SNTG2: variants seen among roughly 807,000 people sequenced by gnomAD.
SNTG2 encodes gamma-2-syntrophin.
SNTG2 carries 74 observed loss-of-function variants against 70.9 expected under a neutral mutation model. The ratio of observed to expected loss-of-function variants is 1.04; its 90% CI spans 0.86 to 1.27. The LOEUF (loss-of-function observed/expected upper bound fraction) is 1.27. SNTG2 is among the 50% of genes most tolerant of loss of function. The pLI is 0.00. For missense variants in SNTG2, 717 were observed against 690.7 expected (o/e 1.04, Z -0.43); for synonymous variants, 278 against 273.8 (o/e 1.02, Z -0.15).
intron 14 of SNTG2, among the ~76,000 whole-genome samples, chr2:1,307,260 AGT>A (rs1203347948): frequency 1.8e-5 from 2 of 112,246 alleles, no homozygotes; most frequent in East Asian, 2.7e-4. Context: ...ATTGTGTATA[AGT>A]GTGTGTGTGG....
At chr2:1,253,898 T>A (rs562013378) in intron 12 of SNTG2, among the ~76,000 whole-genome samples, 54 of 151,680 alleles carry the variant, frequency 3.6e-4, no homozygotes, top group Non-Finnish European at 7.1e-4. Flanking sequence ...CAATCAGATC[T>A]CATGAGAACT....
chr2:1,197,860 A>G (rs959905564), intron 8 of SNTG2, among the ~76,000 whole-genome samples: 7 of 152,096 alleles, frequency 4.6e-5, no homozygotes, highest in African/African-American at 7.2e-5. Context: ...TATAGCAACT[A>G]TTTATTAGTT....
At chr2:1,120,691 T>C (rs74943029) in intron 4 of SNTG2, among the ~76,000 whole-genome samples, 1,976 of 152,246 alleles carry the variant, frequency 0.013, 35 homozygotes, top group African/African-American at 0.042. Flanking sequence ...GGGGATAATT[T>C]ATCAGGAGGA....
rs1225616464 is a variant in SNTG2 at position 1,055,100 on chromosome 2, T to C, written c.73-28418T>C. Among the ~76,000 whole-genome samples the C allele has an allele frequency of 2.0e-5, 3 of 152,204 alleles. No individual in the cohort carries two copies. The East Asian group carries it at 5.8e-4, about 29-fold the overall frequency. Reference sequence around the variant, plus strand: ...CTGTGCAGCCCACGTCAGGTACTGCTGTGTGTTGCTATAAATGCTGTTAAC... The same window carrying C: ...CTGTGCAGCCCACGTCAGGTACTGCCGTGTGTTGCTATAAATGCTGTTAAC... On this transcript the variant is annotated intron_variant, in intron 1 of 16. Coordinates refer to ENST00000308624, the MANE Select transcript of SNTG2 (RefSeq NM_018968.4).
At chr2:1,036,253 ATTTC>A (rs1163706643) in intron 1 of SNTG2, among the ~76,000 whole-genome samples, 10 of 151,654 alleles carry the variant, frequency 6.6e-5, no homozygotes, top group African/African-American at 2.4e-4. Context: ...TTTGTTCTTT[ATTTC>A]TTTCTTTTCT....
chr2:1,246,886 A>G (rs1425886569), intron 11 of SNTG2, among the ~76,000 whole-genome samples: 5 of 152,246 alleles, frequency 3.3e-5, no homozygotes, highest in Non-Finnish European at 7.3e-5. Flanking sequence ...GTTGTTAAGA[A>G]GTTGAACCAT....
intron 12 of SNTG2, among the ~76,000 whole-genome samples, chr2:1,257,294 C>G (rs975269980): frequency 6.6e-6 from 1 of 152,114 alleles, no homozygotes; most frequent in Admixed American, 6.5e-5. Context: ...ATCATGTTGG[C>G]GAAGATGATG....
chr2:1,223,519 C>T (rs933229434), intron 9 of SNTG2, among the ~76,000 whole-genome samples: 1 of 152,254 alleles, frequency 6.6e-6, no homozygotes, highest in Non-Finnish European at 1.5e-5. Flanking sequence ...CCCACAACCA[C>T]AGCTGTGGCC....
intron 15 of SNTG2, among the ~76,000 whole-genome samples, chr2:1,312,003 G>A (rs1395990583): frequency 6.6e-6 from 1 of 152,020 alleles, no homozygotes; most frequent in East Asian, 1.9e-4. Flanking sequence ...TGTGTGGTCA[G>A]ATTTCTTGAT....
At chr2:980,560 C>T (rs940548133) in intron 1 of SNTG2, among the ~76,000 whole-genome samples, 10 of 151,950 alleles carry the variant, frequency 6.6e-5, no homozygotes, top group African/African-American at 2.4e-4. Context: ...CTTATTTTAC[C>T]AAGAATACAA....
In SNTG2 at chr2:1,313,045, C is replaced by T. The variant is rs374979126; in HGVS notation, c.1378-3220C>T. ...CTGGTACTGCCTGTGGCATCTCCAC[C>T]GTGAAGGATTCAAGGATTATCTTCC... On this transcript the variant is annotated intron_variant, in intron 15 of 16. Transcript: ENST00000308624. 1.2e-4 allele frequency among the ~76,000 whole-genome samples: 19 copies of T among 152,230 alleles called. No homozygotes were observed. In the East Asian group the frequency reaches 2.1e-3, roughly 17 times the overall value.
In SNTG2 at chr2:1,017,962, C is replaced by T. The variant is rs555047116; in HGVS notation, c.73-65556C>T. Among the ~76,000 whole-genome samples, 53 of 152,268 alleles carry T rather than the reference C, an allele frequency of 3.5e-4. 1 individual carries two copies. Among genetic ancestry groups the T allele is most frequent in the African/African-American group, 1.2e-3 (51 of 41,536 alleles). On this transcript the variant is annotated intron_variant, in intron 1 of 16. Coordinates refer to ENST00000308624, the MANE Select transcript of SNTG2 (RefSeq NM_018968.4). ...TTAGGCTCTTCCCCTTCAGAGAGTG[C>T]CCCACGCCATCTCCAGTTGGGTTTC...
intron 16 of SNTG2, among the ~76,000 whole-genome samples, chr2:1,355,901 G>C (rs541598194): frequency 6.6e-6 from 1 of 152,216 alleles, no homozygotes; most frequent in South Asian, 2.1e-4. Flanking sequence ...ATGTGAGGTA[G>C]TGTCTCAGTG....
At chr2:990,973 T>C (rs1661472294) in intron 1 of SNTG2, among the ~76,000 whole-genome samples, 1 of 152,190 alleles carries the variant, frequency 6.6e-6, no homozygotes, top group South Asian at 2.1e-4. Flanking sequence ...TGGATGCTTT[T>C]CTTTTTTTAA....
chr2:1,171,770 C>A (rs770558847), intron 7 of SNTG2, among the ~76,000 whole-genome samples: 2 of 152,146 alleles, frequency 1.3e-5, no homozygotes, highest in Non-Finnish European at 2.9e-5. Context: ...GAAGTGTTTT[C>A]TAAAAATATG....
chr2:952,313 G>A (rs1280143264), intron 1 of SNTG2, among the ~76,000 whole-genome samples: 2 of 152,190 alleles, frequency 1.3e-5, no homozygotes, highest in African/African-American at 4.8e-5. Flanking sequence ...GCTTTATAAT[G>A]ATGCCCTCCC....
chr2:1,044,275 AGTT>A (rs1661603664), intron 1 of SNTG2, among the ~76,000 whole-genome samples: 1 of 152,144 alleles, frequency 6.6e-6, no homozygotes, highest in African/African-American at 2.4e-5. Context: ...ACTTGGCTGA[AGTT>A]GTTTCTCAGA....
intron 12 of SNTG2, among the ~76,000 whole-genome samples, chr2:1,251,216 C>T (rs10172292): frequency 0.3 from 45,692 of 152,152 alleles, 7,621 homozygotes; most frequent in African/African-American, 0.45. Context: ...CTAAAGTGTA[C>T]GCATCCATCC....
chr2:1,334,957 T>C (rs1443126504), intron 16 of SNTG2, among the ~76,000 whole-genome samples: 1 of 152,166 alleles, frequency 6.6e-6, no homozygotes, highest in Non-Finnish European at 1.5e-5. Context: ...AAAATGAATG[T>C]TCAAAACGTG....
Sources: gnomAD v4.1 joint callset for allele counts (sites outside exome capture counted in the v4.1 genomes callset) on GRCh38, gnomAD v4.1.1 for gene constraint, MANE v1.5 for transcripts, NCBI Gene and HGNC (gene_info 2026-07-23, HGNC 2026-07-21) for gene names.